SIGLEC1: variants seen among roughly 807,000 people sequenced by gnomAD.
SIGLEC1 encodes sialic acid binding Ig like lectin 1.
A neutral mutation model predicts 148.0 loss-of-function variants in SIGLEC1; 132 were observed. The observed-to-expected ratio is 0.89, with a 90% CI of 0.77 to 1.03. The LOEUF is 1.03. SIGLEC1 is among the 50% of genes least tolerant of loss of function. The pLI, the probability that SIGLEC1 is intolerant of heterozygous loss-of-function variation, is 0.00. For missense variants in SIGLEC1, 2,253 were observed against 2,271.4 expected (o/e 0.99, Z 0.16); for synonymous variants, 945 against 969.0 (o/e 0.98, Z 0.46).
intron 3 of SIGLEC1, 30 bp downstream of exon 3, chr20:3,706,316 CG>C: frequency 2.5e-6 from 4 of 1,582,752 alleles, no homozygotes; most frequent in East Asian, 2.2e-5. Flanking sequence ...GAATCCCTCC[CG>C]GGGGGCAGCC....
intron 14 of SIGLEC1, 135 bp downstream of exon 14, chr20:3,693,312 G>T: frequency 8.3e-7 from 1 of 1,206,732 alleles, no homozygotes; most frequent in Non-Finnish European, 1.1e-6. Flanking sequence ...TACTCTTAAT[G>T]CTCCTTGCCC....
At chr20:3,708,875 G>A (rs564011090) in intron 1 of SIGLEC1, among the ~76,000 whole-genome samples, 121 of 151,912 alleles carry the variant, frequency 8.0e-4, no homozygotes, top group African/African-American at 2.7e-3. Context: ...GTGAAACCCC[G>A]TCTCTACTAA....
rs759226447 is a variant in SIGLEC1, at chr20:3,707,068, C to T, written c.49+12G>A. The T allele has an allele frequency of 1.2e-4, 197 of 1,613,678 alleles. 1 individual carries two copies. Among genetic ancestry groups the T allele is most frequent in the Middle Eastern group, 1.6e-4 (1 of 6,084 alleles). ...GACCCTGGAAGACAGGCACTAGGCCCGCAAAGCTTACCTGCTGGGAAGAAT... is the reference window on the plus strand; with the variant it reads ...GACCCTGGAAGACAGGCACTAGGCCTGCAAAGCTTACCTGCTGGGAAGAAT... On this transcript the variant is annotated intron_variant, in intron 2 of 21. Transcript: ENST00000344754.
chr20:3,694,189 A>ACACG (rs775955477), intron 13 of SIGLEC1, 32 bp downstream of exon 13: 1 of 1,558,578 alleles, frequency 6.4e-7, no homozygotes, highest in East Asian at 2.3e-5. Context: ...ACACACACAC[A>ACACG]CACACACACA....
At chr20:3,698,189 G>T in intron 8 of SIGLEC1, 56 bp from the exon 9 acceptor site, 1 of 1,411,678 alleles carries the variant, frequency 7.1e-7, no homozygotes, top group Non-Finnish European at 9.6e-7. Context: ...GGCCCCACAA[G>T]CCTGGCTAGG....
Position 3,693,602 on chromosome 20 carries a change from G to A in SIGLEC1, c.3353C>T (p.Thr1118Ile), listed in dbSNP as rs765270457. ...CTGCCCATCCTGGTACCATGTGTAG[G>A]TGAGCTGGGCCGGGTGAGTGGTCCA... ...LVWTTHPAQL[T>I]YTWYQDGQQR... Residue 1118 changes from threonine (T) to isoleucine (I), a missense_variant, in exon 14 of 22, where the codon ACC (threonine) becomes ATC (isoleucine). Transcript: ENST00000344754. 1 of 1,612,918 alleles carries A rather than the reference G, an allele frequency of 6.2e-7. No individual in the cohort carries two copies. Among genetic ancestry groups the A allele is most frequent in the East Asian group, 2.2e-5 (1 of 44,886 alleles).
chr20:3,712,402 G>T (rs2087934098), intron 1 of SIGLEC1, among the ~76,000 whole-genome samples, 68 bp downstream of exon 1: 1 of 140,206 alleles, frequency 7.1e-6, no homozygotes, highest in Non-Finnish European at 1.6e-5. Context: ...CGCTCAGCCA[G>T]TTTCAGCCCA....
Position 3,692,949 on chromosome 20 carries a change from G to A in SIGLEC1, c.3691C>T (p.Pro1231Ser). ...TAGAAACCCTCATCCCTGGGCTGTGGCCCTCGCAGCTCCAGGCGCAGGGTG... is the reference window on the plus strand; with the variant it reads ...TAGAAACCCTCATCCCTGGGCTGTGACCCTCGCAGCTCCAGGCGCAGGGTG... ...PNTLRLELRG[P>S]QPRDEGFYSC... Residue 1231 changes from proline (P) to serine (S), a missense_variant, in exon 15 of 22, where the codon CCA (proline) becomes TCA (serine). Coordinates refer to ENST00000344754, the MANE Select transcript of SIGLEC1 (RefSeq NM_023068.4). 1 of 1,612,650 alleles carries A rather than the reference G, an allele frequency of 6.2e-7. No homozygotes were observed. Among genetic ancestry groups the A allele is most frequent in the Non-Finnish European group, 8.5e-7 (1 of 1,179,920 alleles).
chr20:3,692,231 C>A (rs1350484161), intron 16 of SIGLEC1, 29 bp from the exon 17 acceptor site: 2 of 1,517,782 alleles, frequency 1.3e-6, no homozygotes, highest in Non-Finnish European at 1.8e-6. Context: ...CAGATGGGGA[C>A]CTTGCTTAGG....
intron 7 of SIGLEC1, among the ~76,000 whole-genome samples, chr20:3,700,697 CTTTT>C (rs71195856): frequency 0.045 from 5,371 of 119,706 alleles, 166 homozygotes; most frequent in African/African-American, 0.12. Context: ...TTTTCTTTTT[CTTTT>C]TTTTTTTTTT....
intron 4 of SIGLEC1, 91 bp from the exon 5 acceptor site, chr20:3,704,182 C>T: frequency 4.0e-6 from 5 of 1,261,438 alleles, no homozygotes; most frequent in Non-Finnish European, 5.6e-6. Flanking sequence ...AAGCTCAGTC[C>T]TAAGGAAGTA....
chr20:3,697,178 G>T lies in SIGLEC1; in HGVS notation c.2287C>A (p.Pro763Thr). Residue 763 changes from proline (P) to threonine (T), a missense_variant, in exon 10 of 22, where the codon CCC (proline) becomes ACC (threonine). By Grantham distance (38) the Pro-to-Thr change is conservative (BLOSUM62 -1). Transcript: ENST00000344754. ...QGPLETVTLL[P>T]VARTDAALYA... The stretch of plus-strand genomic sequence containing the variant: ...AGGGCAGCATCAGTTCTGGCCACGG[G>T]CAGCAGTGTCACGGTCTCCAGGGGA... 2 of 1,613,880 alleles carry T rather than the reference G, an allele frequency of 1.2e-6. No individual in the cohort carries two copies. The highest frequency in any genetic ancestry group is 2.7e-5 in the African/African-American group (2 of 75,054).
chr20:3,701,204 C>T, intron 7 of SIGLEC1, 138 bp downstream of exon 7: 2 of 787,578 alleles, frequency 2.5e-6, no homozygotes, highest in Non-Finnish European at 4.0e-6. Context: ...GGTCACTGCA[C>T]AGCCCCTGTC....
At chr20:3,708,731 A>G (rs1285873229) in intron 1 of SIGLEC1, among the ~76,000 whole-genome samples, 1 of 152,048 alleles carries the variant, frequency 6.6e-6, no homozygotes, top group Non-Finnish European at 1.5e-5. Context: ...AGCCTGGGTG[A>G]CAGAGCAAGA....
rs776295988 is a variant in SIGLEC1 at position 3,705,755 on chromosome 20, A to G, written c.695T>C (p.Leu232Pro). The G allele has an allele frequency of 6.2e-6, 10 of 1,605,970 alleles. No individual in the cohort carries two copies. The highest frequency in any genetic ancestry group is 5.1e-6 in the Non-Finnish European group (6 of 1,173,914). ...CCCAGACAACTCACACTTCACTTGG[A>G]GGTGAATCTCGCTCTGAGCCCTGTG... ...ANHRAQSEIHLQVKYAPKGVK... is the reference protein window; with the variant it reads ...ANHRAQSEIHPQVKYAPKGVK... The change falls in exon 4 of 22, where the codon CTC (leucine) becomes CCC (proline). Residue 232 changes from leucine (L) to proline (P), a missense_variant. Transcript: ENST00000344754.
rs200631809 is a variant in SIGLEC1, at chr20:3,690,824, C to CTTTT, written c.4591+512_4591+515dup. ...TTCTTTTGGTTTTTTCTCTTCTTTT[C>CTTTT]TTTTCTTTTTTTTTTTTTTTTCTTG... is the stretch of plus-strand genomic sequence containing the variant. On this transcript the variant is annotated intron_variant, in intron 18 of 21. Coordinates refer to ENST00000344754, the MANE Select transcript of SIGLEC1 (RefSeq NM_023068.4). Among the ~76,000 whole-genome samples the CTTTT allele has an allele frequency of 2.5e-4, 32 of 126,860 alleles. 1 individual carries two copies. Among genetic ancestry groups the CTTTT allele is most frequent in the African/African-American group, 3.3e-4 (10 of 29,906 alleles). The allele number at this position is 126,860 out of a possible 152,430, so 83.2% of individuals were successfully genotyped here.
At position 3,698,108 on chromosome 20, in the gene SIGLEC1, G is replaced by T. The variant is rs982001956; in HGVS notation, c.1812C>A (p.Thr604=). Residue 604 remains threonine, a synonymous_variant, in exon 9 of 22, where the codon ACC becomes ACA. Coordinates refer to ENST00000344754, the MANE Select transcript of SIGLEC1 (RefSeq NM_023068.4). ...CAGCGGCATCAAGGTCCAGCCTGGT[G>T]GTGAATGTTGGTTGTCGAGGGGGGT... The part of the protein sequence containing the change: ...VLYPPRQPTF[T]TRLDLDAAGA... 1 of 1,601,498 alleles carries T rather than the reference G, an allele frequency of 6.2e-7. No individual in the cohort carries two copies. The highest frequency in any genetic ancestry group is 8.5e-7 in the Non-Finnish European group (1 of 1,175,944).
intron 8 of SIGLEC1, 80 bp from the exon 9 acceptor site, chr20:3,698,213 C>A: frequency 7.9e-7 from 1 of 1,272,226 alleles, no homozygotes; most frequent in South Asian, 1.4e-5. Context: ...CCAGAATACA[C>A]TGGACAAAGG....
chr20:3,706,534 C>T lies in SIGLEC1; in HGVS notation c.222G>A (p.Ala74=), dbSNP rs145346485. The T allele has an allele frequency of 8.9e-5, 143 of 1,612,766 alleles. 1 individual carries two copies. The highest frequency in any genetic ancestry group is 6.5e-4 in the African/African-American group (49 of 74,940). Residue 74 remains alanine, a synonymous_variant, in exon 3 of 22, where the codon GCG becomes GCA. Coordinates refer to ENST00000344754, the MANE Select transcript of SIGLEC1 (RefSeq NM_023068.4). ...SGQRQVVSHS[A]DPKLVEARFR... ...AGCGGGCCTCCACCAGCTTGGGGTC[C>T]GCCGAGTGGCTCACCACCTGCCGCT... is the stretch of plus-strand genomic sequence containing the variant.
Sources: allele counts gnomAD v4.1 joint callset (sites outside exome capture counted in the v4.1 genomes callset), GRCh38; gene constraint gnomAD v4.1.1; transcripts MANE v1.5; gene names NCBI Gene and HGNC (gene_info 2026-07-23, HGNC 2026-07-21).